The following ZBTB44 variants were observed in gnomAD, a reference collection of about 807,000 sequenced individuals.
The protein encoded by ZBTB44 is zinc finger and BTB domain containing 44.
A neutral mutation model predicts 54.0 loss-of-function variants in ZBTB44; 15 were observed. The observed-to-expected ratio is 0.28, with a 90% confidence interval of 0.19 to 0.43. The LOEUF is 0.43. ZBTB44 is among the 20% of genes least tolerant of loss of function. The pLI is 1.00. For missense variants in ZBTB44, 487 were observed against 707.1 expected (o/e 0.69, Z 3.53); for synonymous variants, 230 against 250.1 (o/e 0.92, Z 0.76).
chr11:130,312,198 T>A (rs533102015), intron 1 of ZBTB44, among the ~76,000 whole-genome samples: 16 of 152,324 alleles, frequency 1.1e-4, no homozygotes, highest in Non-Finnish European at 1.9e-4. Context: ...TAAGCAAAAG[T>A]CATCATGGGT....
At chr11:130,285,649 A>C in intron 1 of ZBTB44, 1 of 264,124 alleles carries the variant, frequency 3.8e-6, no homozygotes. Context: ...CCTACTTCAC[A>C]GTCTAATTTT....
chr11:130,303,923 CATG>C (rs2134473425), intron 1 of ZBTB44, among the ~76,000 whole-genome samples: 1 of 152,138 alleles, frequency 6.6e-6, no homozygotes, highest in African/African-American at 2.4e-5. Context: ...CGTGAAACAA[CATG>C]ATAATACAAG....
intron 2 of ZBTB44, among the ~76,000 whole-genome samples, chr11:130,248,722 G>A (rs751487335): frequency 6.6e-6 from 1 of 152,122 alleles, no homozygotes; most frequent in Non-Finnish European, 1.5e-5. Flanking sequence ...TCCCATGTCT[G>A]CTTTATAGAA....
intron 1 of ZBTB44, chr11:130,296,805 T>A: frequency 1.3e-6 from 1 of 753,900 alleles, no homozygotes; most frequent in Non-Finnish European, 2.5e-6. Context: ...GTCATACATA[T>A]GAGGTTATGA....
rs1348651761 is a variant in ZBTB44, at chr11:130,228,779, G to A, written c.*2985C>T. 6.6e-6 allele frequency: 1 copy of A among 152,136 alleles called. No homozygotes were observed. The highest frequency in any genetic ancestry group is 1.5e-5 in the Non-Finnish European group (1 of 68,014). The allele number at this position is 152,136 out of a possible 1,614,324, so 9.4% of individuals were successfully genotyped here. On this transcript the variant is annotated 3_prime_UTR_variant, in exon 8 of 8. Transcript: ENST00000357899. Reference sequence around the variant, plus strand: ...GGAAAACAAGGGCCTTTTAATAAAAGTCCTGACACTGGAGCTCCTCCCACC... The same window carrying A: ...GGAAAACAAGGGCCTTTTAATAAAAATCCTGACACTGGAGCTCCTCCCACC...
At chr11:130,264,820 T>C (rs886737755) in intron 1 of ZBTB44, among the ~76,000 whole-genome samples, 25 of 152,350 alleles carry the variant, frequency 1.6e-4, no homozygotes, top group African/African-American at 6.0e-4. Flanking sequence ...TTGCAAATAT[T>C]GTGTTTTTTA....
At chr11:130,243,047 T>G (rs763717697) in intron 2 of ZBTB44, among the ~76,000 whole-genome samples, 4 of 152,256 alleles carry the variant, frequency 2.6e-5, no homozygotes, top group African/African-American at 7.2e-5. Flanking sequence ...GTTATCATTT[T>G]TCTTTTCTAA....
intron 1 of ZBTB44, among the ~76,000 whole-genome samples, chr11:130,286,341 C>T (rs1940958135): frequency 6.6e-6 from 1 of 152,048 alleles, no homozygotes; most frequent in Non-Finnish European, 1.5e-5. Context: ...TACTTTTTGA[C>T]CTGTAAATGT....
intron 1 of ZBTB44, chr11:130,296,855 A>C: frequency 1.4e-6 from 1 of 739,168 alleles, no homozygotes; most frequent in East Asian, 2.5e-5. Context: ...TAAATAACTT[A>C]AATTTGCCTC....
At chr11:130,290,619 C>T (rs1941244695) in intron 1 of ZBTB44, among the ~76,000 whole-genome samples, 1 of 152,182 alleles carries the variant, frequency 6.6e-6, no homozygotes, top group South Asian at 2.1e-4. Flanking sequence ...TAAACTGTCT[C>T]TAAAATACAA....
chr11:130,238,326 T>C, intron 4 of ZBTB44, 118 bp downstream of exon 4: 2 of 1,291,414 alleles, frequency 1.5e-6, no homozygotes, highest in Non-Finnish European at 2.1e-6. Flanking sequence ...CTGTTTTCAT[T>C]TGACTTCCCA....
intron 6 of ZBTB44, 79 bp downstream of exon 6, chr11:130,234,077 G>A (rs1224026291): frequency 2.6e-6 from 4 of 1,532,254 alleles, no homozygotes; most frequent in Non-Finnish European, 3.5e-6. Flanking sequence ...GGCTGCTCTG[G>A]CACTTCTTCC....
intron 1 of ZBTB44, among the ~76,000 whole-genome samples, chr11:130,311,772 T>C (rs1942621843): frequency 6.6e-6 from 1 of 152,194 alleles, no homozygotes; most frequent in South Asian, 2.1e-4. Flanking sequence ...ACTCCCTGGA[T>C]AAACAGCTCT....
chr11:130,300,050 C>A (rs561579755), intron 1 of ZBTB44, among the ~76,000 whole-genome samples: 1 of 152,220 alleles, frequency 6.6e-6, no homozygotes, highest in African/African-American at 2.4e-5. Context: ...GTGAAATAAA[C>A]CAATAATTAA....
chr11:130,253,988 A>G (rs1291534506), intron 2 of ZBTB44, among the ~76,000 whole-genome samples: 1 of 152,250 alleles, frequency 6.6e-6, no homozygotes, highest in African/African-American at 2.4e-5. Context: ...TATTTAATAA[A>G]TGGTGCTGGG....
At chr11:130,272,483 TA>T (rs1449498273) in intron 1 of ZBTB44, among the ~76,000 whole-genome samples, 1 of 152,240 alleles carries the variant, frequency 6.6e-6, no homozygotes, top group Non-Finnish European at 1.5e-5. Flanking sequence ...GTTCTTTATA[TA>T]TTCTAGTTGT....
In ZBTB44 at chr11:130,277,479, T is replaced by C. The variant is rs74770139; in HGVS notation, c.-56-15550A>G. Among the ~76,000 whole-genome samples the C allele has an allele frequency of 5.6e-4, 85 of 151,634 alleles. 1 individual carries two copies. In the East Asian group the frequency reaches 0.013, roughly 24 times the overall value. ...TGTGGTCATGATTACTGCTTTCCCA[T>C]CTGTAGTCATTTCCTTAGCCCAACA... On this transcript the variant is annotated intron_variant, in intron 1 of 7. Transcript: ENST00000357899.
In ZBTB44 at chr11:130,260,161, TG is replaced by T. The variant is rs200302845; in HGVS notation, c.1018+694del. Among the ~76,000 whole-genome samples, 79 of 152,338 alleles carry T rather than the reference TG, an allele frequency of 5.2e-4. 1 individual carries two copies. In the East Asian group the frequency reaches 0.014, roughly 27 times the overall value. Reference sequence around the variant, plus strand: ...ACAGCCTGCGCTCAACCACTCCTTTTGTCTGATCTCCCACTATTCCCTACAG... The same window carrying T: ...ACAGCCTGCGCTCAACCACTCCTTTTTCTGATCTCCCACTATTCCCTACAG... On this transcript the variant is annotated intron_variant, in intron 2 of 7. Transcript: ENST00000357899.
intron 1 of ZBTB44, among the ~76,000 whole-genome samples, chr11:130,301,572 G>A (rs2134453496): frequency 6.6e-6 from 1 of 152,242 alleles, no homozygotes; most frequent in East Asian, 1.9e-4. Context: ...GCTGAGTTGG[G>A]AAGATGGCTT....
Sources: gnomAD v4.1 joint callset for allele counts (sites outside exome capture counted in the v4.1 genomes callset) on GRCh38, gnomAD v4.1.1 for gene constraint, MANE v1.5 for transcripts, NCBI Gene and HGNC (gene_info 2026-07-23, HGNC 2026-07-21) for gene names.